The following ZNF304 variants were observed in gnomAD, a reference collection of about 807,000 sequenced individuals.
ZNF304 encodes the protein zinc finger protein 304, also known as KRAB-containing zinc finger protein.
ZNF304 carries 7 observed loss-of-function variants against 7.8 expected under a neutral mutation model. The ratio of observed to expected loss-of-function variants is 0.90; its 90% CI spans 0.51 to 1.69. The LOEUF (loss-of-function observed/expected upper bound fraction) is 1.69, where lower values mean the gene tolerates loss of function less well. Among genes scored for constraint, ZNF304 ranks in the 40% most tolerant of loss-of-function variants. The probability of loss-of-function intolerance (pLI) is 0.00; values close to 1 mark genes in which losing one functional copy is unlikely to be tolerated. For missense variants in ZNF304, 669 were observed against 804.8 expected (o/e 0.83, Z 2.04); for synonymous variants, 280 against 272.4 (o/e 1.03, Z -0.27).
chr19:57,356,676 C>G lies in ZNF304; in HGVS notation c.807C>G (p.His269Gln). ...VFKEKSALIN[H>Q]RKIHSGEISH... Reference sequence around the variant, plus strand: ...AGGAGAAATCAGCTCTTATTAATCACAGAAAAATCCACAGTGGAGAAATAT... The same window carrying G: ...AGGAGAAATCAGCTCTTATTAATCAGAGAAAAATCCACAGTGGAGAAATAT... The change falls in exon 3 of 3, where the codon CAC (histidine) becomes CAG (glutamine). Residue 269 changes from histidine to glutamine, a missense_variant. Transcript: ENST00000282286. 2 of 1,614,202 alleles carry G rather than the reference C, an allele frequency of 1.2e-6. No individual in the cohort carries two copies. The highest frequency in any genetic ancestry group is 8.5e-7 in the Non-Finnish European group (1 of 1,180,040).
At position 57,357,714 on chromosome 19, in the gene ZNF304, C is replaced by T. The variant is rs767887233; in HGVS notation, c.1845C>T (p.Tyr615=). 1.7e-5 allele frequency: 28 copies of T among 1,613,968 alleles called. No individual in the cohort carries two copies. In the African/African-American group the frequency reaches 3.1e-4, roughly 18 times the overall value. The change falls in exon 3 of 3, where the codon TAC becomes TAT. Residue 615 remains tyrosine (Y), a synonymous_variant. Coordinates refer to ENST00000282286, the MANE Select transcript of ZNF304 (RefSeq NM_020657.4). The stretch of plus-strand genomic sequence containing the variant: ...GGGTTCACACTGGAGAAAAGCCTTA[C>T]GTATGCAGCGAATGTGGGAAAGCCT... ...HQRVHTGEKP[Y]VCSECGKAYS... is the part of the protein sequence containing the mutation.
chr19:57,357,224 G>A lies in ZNF304; in HGVS notation c.1355G>A (p.Cys452Tyr), dbSNP rs1325507320. 2 of 1,614,172 alleles carry A rather than the reference G, an allele frequency of 1.2e-6. No homozygotes were observed. The highest frequency in any genetic ancestry group is 3.3e-5 in the Admixed American group (2 of 60,020). The change falls in exon 3 of 3, where the codon TGT becomes TAT. Residue 452 changes from cysteine to tyrosine, a missense_variant. Physicochemically the swap from Cys to Tyr is radical, Grantham distance 194. Transcript: ENST00000282286. ...GCAAGATCCTACGTGTGCAGCAAAT[G>A]TGGGAAGGCCTTTGGCTGCAAAGAC... ...TGARSYVCSK[C>Y]GKAFGCKDTL...
At position 57,357,383 on chromosome 19, in the gene ZNF304, GT is replaced by G. The variant is rs1329567824; in HGVS notation, c.1515del (p.Cys505TrpfsTer148). The stretch of plus-strand genomic sequence containing the variant: ...CACACTGGAGAAAGGCCTTATGAGT[GT>G]GGTGAATGTGGTAAATTCTTCAGCC... ...KIHTGERPYE[C>X]GECGKFFSHS... On this transcript the variant is annotated frameshift_variant, in exon 3 of 3. Coordinates refer to ENST00000282286, the MANE Select transcript of ZNF304 (RefSeq NM_020657.4). LOFTEE classifies it low-confidence loss of function (END_TRUNC). 6.2e-7 allele frequency: 1 copy of G among 1,614,160 alleles called. No individual in the cohort carries two copies.
rs1462351979 is a variant in ZNF304 at position 57,353,852 on chromosome 19, G to A, written c.160+1G>A. On this transcript the variant is annotated splice_donor_variant, in intron 2 of 2. Transcript: ENST00000282286. LOFTEE classifies it high-confidence loss of function. ...AACTTTGCACTTGTGGCTACACTAGGTAAGTCTGTGTTTTAGTTATCTAAT... is the reference window on the plus strand; with the variant it reads ...AACTTTGCACTTGTGGCTACACTAGATAAGTCTGTGTTTTAGTTATCTAAT... 1.3e-6 allele frequency: 2 copies of A among 1,586,286 alleles called. No homozygotes were observed. Among genetic ancestry groups the A allele is most frequent in the African/African-American group, 2.7e-5 (2 of 74,188 alleles).
At position 57,356,944 on chromosome 19, in the gene ZNF304, G is replaced by A; in HGVS notation, c.1075G>A (p.Gly359Arg). The A allele has an allele frequency of 1.2e-6, 2 of 1,604,956 alleles. No individual in the cohort carries two copies. The highest frequency in any genetic ancestry group is 1.7e-6 in the Non-Finnish European group (2 of 1,172,634). Residue 359 changes from glycine (G) to arginine (R), a missense_variant, in exon 3 of 3, where the codon GGA becomes AGA. Coordinates refer to ENST00000282286, the MANE Select transcript of ZNF304 (RefSeq NM_020657.4). ...HLVQHQRIHT[G>R]ERPYKCNKCG... ...TGTTCAGCACCAGAGAATTCACACA[G>A]GAGAAAGGCCTTATAAGTGCAACAA... is the stretch of plus-strand genomic sequence containing the variant.
At position 57,351,561 on chromosome 19, in the gene ZNF304, A is replaced by G. The variant is rs1023054848; in HGVS notation, c.-104A>G. 1.4e-6 allele frequency: 2 copies of G among 1,390,332 alleles called. No individual in the cohort carries two copies. The highest frequency in any genetic ancestry group is 1.2e-5 in the South Asian group (1 of 86,500). The allele number at this position is 1,390,332 out of a possible 1,614,324, so 86.1% of individuals were successfully genotyped here. A position where few individuals can be genotyped will look rare whatever the true frequency, so the allele number is the denominator to read the frequency against. On this transcript the variant is annotated 5_prime_UTR_variant, in exon 1 of 3. Coordinates refer to ENST00000282286, the MANE Select transcript of ZNF304 (RefSeq NM_020657.4). The surrounding 1 kb of genome is among the most constrained non-coding windows in gnomAD (Gnocchi z 4.1). The stretch of plus-strand genomic sequence containing the variant: ...TCTTGTGAGCGTTTTTACACCGGGT[A>G]GATTGAGACTTGGAGTGCTACACTC...
Position 57,353,754 on chromosome 19 carries a change from G to T in ZNF304, c.63G>T (p.Val21=), listed in dbSNP as rs1056308896. 1.9e-6 allele frequency: 3 copies of T among 1,613,476 alleles called. No homozygotes were observed. Reference sequence around the variant, plus strand: ...GTGTGACCTTCGAGGATGTGTTCGTGTACTTCTCTCGGGAGGAGTGGGAAC... The same window carrying T: ...GTGTGACCTTCGAGGATGTGTTCGTTTACTTCTCTCGGGAGGAGTGGGAAC... ...QSCVTFEDVF[V]YFSREEWELL... is the part of the protein sequence containing the mutation. Residue 21 remains valine, a synonymous_variant, in exon 2 of 3, where the codon GTG becomes GTT. Transcript: ENST00000282286.
Position 57,351,433 on chromosome 19 carries a change from G to T in ZNF304, c.-232G>T. On this transcript the variant is annotated 5_prime_UTR_variant, in exon 1 of 3. The change creates a premature stop within an existing upstream ORF in the 5' untranslated region. Coordinates refer to ENST00000282286, the MANE Select transcript of ZNF304 (RefSeq NM_020657.4). This position sits in a 1 kb window ranked among gnomAD's most constrained non-coding sequence, Gnocchi z 4.1. ...GTTACAATCCATGACCCCTGTCGTGGGACGGGCGGCCTCTCGCGGAGGTGT... is the reference window on the plus strand; with the variant it reads ...GTTACAATCCATGACCCCTGTCGTGTGACGGGCGGCCTCTCGCGGAGGTGT... The T allele has an allele frequency of 3.4e-6, 2 of 586,018 alleles. No individual in the cohort carries two copies. Among genetic ancestry groups the T allele is most frequent in the Non-Finnish European group, 6.1e-6 (2 of 329,288 alleles). 36.3% of individuals were successfully genotyped at this position (586,018 alleles called of 1,614,324 possible). A position where few individuals can be genotyped will look rare whatever the true frequency, so the allele number is the denominator to read the frequency against.
At position 57,358,922 on chromosome 19, in the gene ZNF304, T is replaced by G. The variant is rs974309565; in HGVS notation, c.*1073T>G. Reference sequence around the variant, plus strand: ...CCAGAACCCCATAGGCAAGTAACATTGACTGTAAGACCTCTGTAGGGCAAT... The same window carrying G: ...CCAGAACCCCATAGGCAAGTAACATGGACTGTAAGACCTCTGTAGGGCAAT... On this transcript the variant is annotated 3_prime_UTR_variant, in exon 3 of 3. Transcript: ENST00000282286. 1 of 152,192 alleles carries G rather than the reference T, an allele frequency of 6.6e-6. No individual in the cohort carries two copies. Among genetic ancestry groups the G allele is most frequent in the Non-Finnish European group, 1.5e-5 (1 of 68,062 alleles). 9.4% of individuals were successfully genotyped at this position (152,192 alleles called of 1,614,324 possible).
chr19:57,357,724 G>A lies in ZNF304; in HGVS notation c.1855G>A (p.Glu619Lys), dbSNP rs1469266867. The A allele has an allele frequency of 6.2e-6, 10 of 1,614,090 alleles. No homozygotes were observed. The highest frequency in any genetic ancestry group is 3.3e-4 in the Middle Eastern group (2 of 6,084). ...TGGAGAAAAGCCTTACGTATGCAGC[G>A]AATGTGGGAAAGCCTATAGCAGAAG... ...HTGEKPYVCSECGKAYSRSSH... is the reference protein window; with the variant it reads ...HTGEKPYVCSKCGKAYSRSSH... The change falls in exon 3 of 3, where the codon GAA becomes AAA. Residue 619 changes from glutamate (E) to lysine (K), a missense_variant. Glu to Lys is a moderately conservative substitution (Grantham distance 56, BLOSUM62 1). Transcript: ENST00000282286.
Position 57,356,690 on chromosome 19 carries a change from G to T in ZNF304, c.821G>T (p.Ser274Ile). The T allele has an allele frequency of 6.2e-7, 1 of 1,614,222 alleles. No individual in the cohort carries two copies. The highest frequency in any genetic ancestry group is 8.5e-7 in the Non-Finnish European group (1 of 1,180,038). The change falls in exon 3 of 3, where the codon AGT becomes ATT. Residue 274 changes from serine to isoleucine, a missense_variant. Ser to Ile is a moderately radical substitution (Grantham distance 142). Transcript: ENST00000282286. ...SALINHRKIH[S>I]GEISHVCKEC... ...CTTATTAATCACAGAAAAATCCACAGTGGAGAAATATCTCATGTGTGTAAG... is the reference window on the plus strand; with the variant it reads ...CTTATTAATCACAGAAAAATCCACATTGGAGAAATATCTCATGTGTGTAAG...
chr19:57,356,202 C>T lies in ZNF304; in HGVS notation c.333C>T (p.His111=). The change falls in exon 3 of 3, where the codon CAC becomes CAT. Residue 111 remains histidine, a synonymous_variant. Transcript: ENST00000282286. ...ILHLAEHQGS[H]LTQKLCTRGL... Reference sequence around the variant, plus strand: ...ACCTGGCTGAACACCAGGGATCACACCTTACACAGAAACTGTGCACACGTG... The same window carrying T: ...ACCTGGCTGAACACCAGGGATCACATCTTACACAGAAACTGTGCACACGTG... The T allele has an allele frequency of 6.2e-7, 1 of 1,614,234 alleles. No individual in the cohort carries two copies. Among genetic ancestry groups the T allele is most frequent in the Middle Eastern group, 1.6e-4 (1 of 6,062 alleles).
rs1171541985 is a variant in ZNF304 at position 57,351,374 on chromosome 19, C to T, written c.-291C>T. The T allele has an allele frequency of 2.1e-6, 1 of 477,892 alleles. No homozygotes were observed. Among genetic ancestry groups the T allele is most frequent in the Non-Finnish European group, 3.7e-6 (1 of 268,022 alleles). 29.6% of individuals were successfully genotyped at this position (477,892 alleles called of 1,614,324 possible). On this transcript the variant is annotated 5_prime_UTR_variant, in exon 1 of 3. Transcript: ENST00000282286. The surrounding 1 kb of genome is among the most constrained non-coding windows in gnomAD (Gnocchi z 4.1). ...TCTCGTGGAACCTAGCAAAGAAAGA[C>T]AGTGAAGACTGCAGGACCTTCCTTC...
intron 1 of ZNF304, chr19:57,352,545 C>T (rs12709968): frequency 0.39 from 59,299 of 152,056 alleles, 11,971 homozygotes; most frequent in African/African-American, 0.43. Flanking sequence ...AGGAGTTAGG[C>T]AGGAATGGCT....
intron 1 of ZNF304, 122 bp from the exon 2 acceptor site, chr19:57,353,603 T>C (rs1206036070): frequency 7.2e-7 from 1 of 1,387,028 alleles, no homozygotes. Flanking sequence ...TGTTATCTCC[T>C]CTTAGTTGGG....
chr19:57,357,164 C>T lies in ZNF304; in HGVS notation c.1295C>T (p.Ser432Phe). The T allele has an allele frequency of 6.2e-7, 1 of 1,614,164 alleles. No homozygotes were observed. Among genetic ancestry groups the T allele is most frequent in the Non-Finnish European group, 8.5e-7 (1 of 1,180,026 alleles). Residue 432 changes from serine to phenylalanine, a missense_variant, in exon 3 of 3, where the codon TCT (serine) becomes TTT (phenylalanine). By Grantham distance (155) the Ser-to-Phe change is radical. Transcript: ENST00000282286. The part of the protein sequence containing the change: ...IECGKFFSHN[S>F]SLIKHRRVHT... ...TGTGGAAAATTCTTTAGCCATAACT[C>T]TAGCCTCATTAAACATCGGAGAGTC...
chr19:57,352,407 T>A (rs1267134627), intron 1 of ZNF304, among the ~76,000 whole-genome samples: 1 of 152,062 alleles, frequency 6.6e-6, no homozygotes, highest in Admixed American at 6.6e-5. Flanking sequence ...TGGCGACCAA[T>A]GGGATGAGTA....
chr19:57,353,179 G>A (rs1207073899), intron 1 of ZNF304, among the ~76,000 whole-genome samples: 2 of 152,210 alleles, frequency 1.3e-5, no homozygotes, highest in Non-Finnish European at 2.9e-5. Context: ...GGACGGCAGT[G>A]GTGGATAGTG....
In ZNF304 at chr19:57,353,733, G is replaced by A; in HGVS notation, c.42G>A (p.Val14=). ...AVLMDRVQSC[V]TFEDVFVYFS... ...TGTACTTATCATGGCAGAGTTGTGT[G>A]ACCTTCGAGGATGTGTTCGTGTACT... Residue 14 remains valine (V), a synonymous_variant, in exon 2 of 3, where the codon GTG becomes GTA. Coordinates refer to ENST00000282286, the MANE Select transcript of ZNF304 (RefSeq NM_020657.4). 1 of 1,610,960 alleles carries A rather than the reference G, an allele frequency of 6.2e-7. No individual in the cohort carries two copies. The highest frequency in any genetic ancestry group is 8.5e-7 in the Non-Finnish European group (1 of 1,178,404).
Sources: allele counts gnomAD v4.1 joint callset (sites outside exome capture counted in the v4.1 genomes callset), GRCh38; gene constraint gnomAD v4.1.1; non-coding constraint Gnocchi (gnomAD v3.1); transcripts MANE v1.5; gene names NCBI Gene and HGNC (gene_info 2026-07-23, HGNC 2026-07-21).